The following GRM5 variants were observed in gnomAD, a reference collection of about 807,000 sequenced individuals.
GRM5 encodes glutamate metabotropic receptor 5, also known as metabotropic glutamate receptor 5.
In GRM5, 19 loss-of-function variants were observed where a neutral mutation model predicts 83.1. The observed-to-expected ratio is 0.23, with a 90% CI of 0.16 to 0.34. The LOEUF (loss-of-function observed/expected upper bound fraction) is 0.34, where lower values mean the gene tolerates loss of function less well. GRM5 is among the 10% of genes least tolerant of loss of function. The pLI is 1.00. For missense variants in GRM5, 1,160 were observed against 1,588.3 expected, an observed-to-expected ratio of 0.73 and a Z score of 4.58; for synonymous variants, 675 against 633.6, an observed-to-expected ratio of 1.07 and a Z score of -0.98.
intron 3 of GRM5, among the ~76,000 whole-genome samples, chr11:88,743,023 A>G (rs1871053): frequency 0.46 from 70,086 of 151,964 alleles, 18,475 homozygotes; most frequent in South Asian, 0.77. Flanking sequence ...TTCTGAAAAG[A>G]TGCATTTAAA....
At chr11:88,808,434 T>C (rs12270908) in intron 3 of GRM5, among the ~76,000 whole-genome samples, 3,874 of 152,114 alleles carry the variant, frequency 0.025, 174 homozygotes, top group African/African-American at 0.089. Flanking sequence ...AAACAATGTG[T>C]TTGCATTTAG....
At chr11:89,012,384 T>C (rs35716680) in intron 2 of GRM5, among the ~76,000 whole-genome samples, 6,350 of 152,254 alleles carry the variant, frequency 0.042, 177 homozygotes, top group Middle Eastern at 0.075. Flanking sequence ...CAGAGCATCC[T>C]GGCCTAATCC....
At chr11:88,955,631 T>G (rs1313036221) in intron 2 of GRM5, among the ~76,000 whole-genome samples, 1 of 152,230 alleles carries the variant, frequency 6.6e-6, no homozygotes, top group African/African-American at 2.4e-5. Flanking sequence ...CATACCTTGT[T>G]CCGTCCTTGT....
At chr11:89,004,039 T>A (rs1940460016) in intron 2 of GRM5, among the ~76,000 whole-genome samples, 1 of 152,138 alleles carries the variant, frequency 6.6e-6, no homozygotes, top group South Asian at 2.1e-4. Flanking sequence ...GTAGGCAAGA[T>A]CAATAGTGAG....
At chr11:88,726,199 C>T (rs573083798) in intron 3 of GRM5, among the ~76,000 whole-genome samples, 2 of 152,192 alleles carry the variant, frequency 1.3e-5, no homozygotes, top group African/African-American at 4.8e-5. Flanking sequence ...CATAAATGAC[C>T]TAATGGAGCT....
At chr11:88,752,180 A>G (rs926889647) in intron 3 of GRM5, among the ~76,000 whole-genome samples, 1 of 152,196 alleles carries the variant, frequency 6.6e-6, no homozygotes, top group Non-Finnish European at 1.5e-5. Context: ...TTTGCAGATG[A>G]TGTGATCCTA....
chr11:88,630,842 T>A lies in GRM5; in HGVS notation c.1147+22326A>T, dbSNP rs377667568. ...ATTTGCCCACCTCGGCCTCCCAAAGTGCTGGGATTACAGGCATGAGCCACT... is the reference window on the plus strand; with the variant it reads ...ATTTGCCCACCTCGGCCTCCCAAAGAGCTGGGATTACAGGCATGAGCCACT... On this transcript the variant is annotated intron_variant, in intron 4 of 9. Transcript: ENST00000305447. Among the ~76,000 whole-genome samples, 95 of 152,270 alleles carry A rather than the reference T, an allele frequency of 6.2e-4. 1 individual carries two copies. The South Asian group carries it at 0.013, about 20-fold the overall frequency.
chr11:88,830,515 A>T lies in GRM5; in HGVS notation c.911+19391T>A, dbSNP rs370966750. On this transcript the variant is annotated intron_variant, in intron 3 of 9. Coordinates refer to ENST00000305447, the MANE Select transcript of GRM5 (RefSeq NM_001143831.3). ...AGAAGTAACAGAAAACACCTAAGGC[A>T]GAAAGGAAAGGGAAGTGAGGCATCC... Among the ~76,000 whole-genome samples, 61 of 152,330 alleles carry T rather than the reference A, an allele frequency of 4.0e-4. 1 individual carries two copies. The highest frequency in any genetic ancestry group is 1.5e-3 in the African/African-American group (61 of 41,580).
intron 2 of GRM5, among the ~76,000 whole-genome samples, chr11:88,886,713 G>A (rs544006727): frequency 3.3e-5 from 5 of 152,196 alleles, no homozygotes; most frequent in East Asian, 3.9e-4. Context: ...ATGAGATGTC[G>A]GCAACAGAAT....
chr11:88,985,203 A>G (rs1266121512), intron 2 of GRM5, among the ~76,000 whole-genome samples: 1 of 152,056 alleles, frequency 6.6e-6, no homozygotes, highest in East Asian at 1.9e-4. Context: ...CATACCCACA[A>G]TCCTAAAGGT....
At chr11:88,965,403 T>A (rs1938922979) in intron 2 of GRM5, among the ~76,000 whole-genome samples, 1 of 152,102 alleles carries the variant, frequency 6.6e-6, no homozygotes, top group Non-Finnish European at 1.5e-5. Context: ...GGTCATGAAC[T>A]CCATGCTCAT....
intron 8 of GRM5, among the ~76,000 whole-genome samples, chr11:88,538,085 G>A (rs1216026557): frequency 6.8e-6 from 1 of 146,018 alleles, no homozygotes; most frequent in Non-Finnish European, 1.5e-5. Context: ...TTCCTTCAAT[G>A]TTATAGAAAA....
intron 9 of GRM5, among the ~76,000 whole-genome samples, chr11:88,522,603 C>CTCTCTGTG (rs1206475339): frequency 1.3e-3 from 171 of 127,284 alleles, no homozygotes; most frequent in South Asian, 5.2e-3. Flanking sequence ...CTCTCTCTCT[C>CTCTCTGTG]TGTGTGTGTG....
At chr11:89,025,684 G>A (rs1199961466) in intron 2 of GRM5, among the ~76,000 whole-genome samples, 1 of 152,164 alleles carries the variant, frequency 6.6e-6, no homozygotes, top group African/African-American at 2.4e-5. Context: ...AATGGATGGT[G>A]AAAATTTATG....
rs1258732658 is a variant in GRM5 at position 88,507,739 on chromosome 11, C to G, written c.*853G>C. 3 of 152,596 alleles carry G rather than the reference C, an allele frequency of 2.0e-5. No individual in the cohort carries two copies. The South Asian group carries it at 6.2e-4, about 32-fold the overall frequency. 9.5% of individuals were successfully genotyped at this position (152,596 alleles called of 1,614,324 possible). A position where few individuals can be genotyped will look rare whatever the true frequency, so the allele number is the denominator to read the frequency against. Reference sequence around the variant, plus strand: ...TGATTTTTATAAAGAGAATTTCCAGCTACAATGCACCCCAGTGAGGGAATT... The same window carrying G: ...TGATTTTTATAAAGAGAATTTCCAGGTACAATGCACCCCAGTGAGGGAATT... On this transcript the variant is annotated 3_prime_UTR_variant, in exon 10 of 10. Coordinates refer to ENST00000305447, the MANE Select transcript of GRM5 (RefSeq NM_001143831.3).
intron 4 of GRM5, among the ~76,000 whole-genome samples, chr11:88,622,892 G>A (rs911028059): frequency 1.3e-5 from 2 of 152,054 alleles, no homozygotes; most frequent in Admixed American, 1.3e-4. Flanking sequence ...GTAATCCCGG[G>A]CAAGTTATTT....
chr11:89,061,144 GATCT>G (rs939773189), intron 1 of GRM5, among the ~76,000 whole-genome samples: 26 of 152,036 alleles, frequency 1.7e-4, no homozygotes, highest in African/African-American at 4.6e-4. Flanking sequence ...GTTTATACAT[GATCT>G]ATCTATCTAT....
chr11:88,655,705 T>C (rs1240171514), intron 3 of GRM5, among the ~76,000 whole-genome samples: 1 of 151,750 alleles, frequency 6.6e-6, no homozygotes, highest in Admixed American at 6.6e-5. Flanking sequence ...ATCTTTTCTG[T>C]AAGTTTAATA....
In GRM5 at chr11:88,994,125, T is replaced by G. The variant is rs575729269; in HGVS notation, c.661+53087A>C. Among the ~76,000 whole-genome samples the G allele has an allele frequency of 2.6e-5, 4 of 151,850 alleles. No individual in the cohort carries two copies. The East Asian group carries it at 7.7e-4, about 29-fold the overall frequency. ...AATAAGAATATAATCTTATTTAAAA[T>G]AGAATAAACTATAAAAAGAATTAAA... On this transcript the variant is annotated intron_variant, in intron 2 of 9. Transcript: ENST00000305447.
Sources: gnomAD v4.1 joint callset for allele counts (sites outside exome capture counted in the v4.1 genomes callset) on GRCh38, gnomAD v4.1.1 for gene constraint, MANE v1.5 for transcripts, NCBI Gene and HGNC (gene_info 2026-07-23, HGNC 2026-07-21) for gene names.